The following TMTC1 variants were observed in gnomAD, a reference collection of about 807,000 sequenced individuals.
The protein encoded by TMTC1 is transmembrane O-mannosyltransferase targeting cadherins 1, also known as protein O-mannosyl-transferase TMTC1.
In TMTC1, 73 loss-of-function variants were observed where a neutral mutation model predicts 104.8. The ratio of observed to expected loss-of-function variants is 0.70; its 90% confidence interval spans 0.58 to 0.85. TMTC1 has a LOEUF of 0.85. Ranked by LOEUF, TMTC1 falls within the 40% of genes least tolerant of loss-of-function variation. The pLI is 0.00. For missense variants in TMTC1, 1,035 were observed against 1,096.1 expected, an observed-to-expected ratio of 0.94 and a Z score of 0.79; for synonymous variants, 434 against 428.7, an observed-to-expected ratio of 1.01 and a Z score of -0.15.
At chr12:29,573,381 C>T (rs1221680160) in intron 8 of TMTC1, among the ~76,000 whole-genome samples, 2 of 152,196 alleles carry the variant, frequency 1.3e-5, no homozygotes, top group Non-Finnish European at 1.5e-5. Flanking sequence ...AAGCATTTCT[C>T]TAAGCTGAAG....
chr12:29,742,162 T>C (rs1048507915), intron 5 of TMTC1, among the ~76,000 whole-genome samples: 3 of 152,188 alleles, frequency 2.0e-5, no homozygotes, highest in African/African-American at 7.2e-5. Context: ...CTGAAATATA[T>C]TGGTTTTTGA....
At chr12:29,762,458 T>A (rs1358309806) in intron 2 of TMTC1, among the ~76,000 whole-genome samples, 1 of 152,224 alleles carries the variant, frequency 6.6e-6, no homozygotes, top group Non-Finnish European at 1.5e-5. Context: ...AGAAATCATC[T>A]TTTTACTTTA....
intron 5 of TMTC1, among the ~76,000 whole-genome samples, chr12:29,738,752 T>C (rs185126748): frequency 6.6e-5 from 10 of 152,352 alleles, no homozygotes; most frequent in African/African-American, 2.4e-4. Context: ...TTTCCATTAT[T>C]TTCTGTTCTT....
intron 11 of TMTC1, chr12:29,534,304 T>G (rs1006929743): frequency 1.2e-4 from 19 of 152,248 alleles, no homozygotes. Context: ...GCTCAACAGC[T>G]GCTTCATTGT....
At chr12:29,635,442 A>C (rs939982025) in intron 5 of TMTC1, among the ~76,000 whole-genome samples, 2 of 152,204 alleles carry the variant, frequency 1.3e-5, no homozygotes, top group Non-Finnish European at 2.9e-5. Flanking sequence ...CCAGCTCTTA[A>C]AAATGACTTT....
rs536691239 is a variant in TMTC1 at position 29,718,865 on chromosome 12, G to A, written c.938+32801C>T. Among the ~76,000 whole-genome samples the A allele has an allele frequency of 8.0e-5, 12 of 149,548 alleles. No individual in the cohort carries two copies. The East Asian group carries it at 1.4e-3, about 17-fold the overall frequency. On this transcript the variant is annotated intron_variant, in intron 5 of 17. Transcript: ENST00000539277. ...GGAGAATGGCATAAACCCAGGAGGC[G>A]GAGCTTGCAGTGAGCTGAGATCGCG...
At chr12:29,759,944 T>C (rs1220480208) in intron 2 of TMTC1, among the ~76,000 whole-genome samples, 1 of 152,184 alleles carries the variant, frequency 6.6e-6, no homozygotes, top group African/African-American at 2.4e-5. Context: ...ATGCATTCAA[T>C]AACAACTTTC....
At chr12:29,638,748 GCA>G (rs1938688152) in intron 5 of TMTC1, among the ~76,000 whole-genome samples, 3 of 152,126 alleles carry the variant, frequency 2.0e-5, no homozygotes, top group Non-Finnish European at 4.4e-5. Context: ...GGTTTGAGCA[GCA>G]GGGCACCGAA....
rs140933696 is a variant in TMTC1 at position 29,606,959 on chromosome 12, C to T, written c.1129-2660G>A. ...CAGTGGTGGGTGTCAGTTGGGAGCA[C>T]AGCCAACCTTCCTGCCCCCCCCCCT... On this transcript the variant is annotated intron_variant, in intron 6 of 17. Coordinates refer to ENST00000539277, the MANE Select transcript of TMTC1 (RefSeq NM_001193451.2). Among the ~76,000 whole-genome samples, 42 of 143,332 alleles carry T rather than the reference C, an allele frequency of 2.9e-4. No homozygotes were observed. In the East Asian group the frequency reaches 7.6e-3, roughly 26 times the overall value. 94.0% of individuals were successfully genotyped at this position (143,332 alleles called of 152,430 possible).
rs1942830004 is a variant in TMTC1 at position 29,741,649 on chromosome 12, C to A, written c.938+10017G>T. Among the ~76,000 whole-genome samples the A allele has an allele frequency of 2.0e-5, 3 of 152,168 alleles. No homozygotes were observed. In the South Asian group the frequency reaches 6.2e-4, roughly 32 times the overall value. ...GCGCAACCTGAGAAATAGCTATTCT[C>A]TAAAAAAGAAAACACATACACCCCA... On this transcript the variant is annotated intron_variant, in intron 5 of 17. Coordinates refer to ENST00000539277, the MANE Select transcript of TMTC1 (RefSeq NM_001193451.2).
In TMTC1 at chr12:29,737,025, G is replaced by A. The variant is rs765796148; in HGVS notation, c.938+14641C>T. On this transcript the variant is annotated intron_variant, in intron 5 of 17. Transcript: ENST00000539277. ...CCCGCAACAGCTAGTTCACTGCTGC[G>A]TCAGAGAGCTTTTCAAAAATTGTAT... Among the ~76,000 whole-genome samples, 24 of 152,336 alleles carry A rather than the reference G, an allele frequency of 1.6e-4. 1 individual carries two copies. The South Asian group carries it at 2.7e-3, about 17-fold the overall frequency.
intron 5 of TMTC1, among the ~76,000 whole-genome samples, chr12:29,750,773 A>C (rs1264342209): frequency 6.6e-6 from 1 of 152,254 alleles, no homozygotes; most frequent in South Asian, 2.1e-4. Flanking sequence ...TCCCTACATC[A>C]GCAGAGAAAC....
chr12:29,604,049 G>T, intron 7 of TMTC1, 129 bp downstream of exon 7: 2 of 1,267,836 alleles, frequency 1.6e-6, no homozygotes, highest in Non-Finnish European at 2.2e-6. Flanking sequence ...TGTTTTTAAA[G>T]CTGAAATAAT....
At chr12:29,610,580 G>A (rs1260617241) in intron 6 of TMTC1, among the ~76,000 whole-genome samples, 1 of 152,092 alleles carries the variant, frequency 6.6e-6, no homozygotes, top group African/African-American at 2.4e-5. Flanking sequence ...CAGTCTTATG[G>A]GTAAAAAGAG....
At chr12:29,508,924 T>C (rs778882823) in intron 17 of TMTC1, among the ~76,000 whole-genome samples, 2 of 152,126 alleles carry the variant, frequency 1.3e-5, no homozygotes, top group African/African-American at 4.8e-5. Context: ...AGTCAGTATC[T>C]CCAATTCCCT....
chr12:29,778,562 A>T (rs1469798822), intron 1 of TMTC1, among the ~76,000 whole-genome samples: 1 of 152,230 alleles, frequency 6.6e-6, no homozygotes, highest in Non-Finnish European at 1.5e-5. Flanking sequence ...AGCAAAAAAA[A>T]AATGTTATTG....
chr12:29,588,401 C>A (rs893014061), intron 7 of TMTC1, among the ~76,000 whole-genome samples: 20 of 152,190 alleles, frequency 1.3e-4, no homozygotes, highest in Non-Finnish European at 1.9e-4. Context: ...ACAGTGGCTG[C>A]TCAAGTTCAT....
chr12:29,515,836 A>G (rs1377142985), intron 15 of TMTC1, among the ~76,000 whole-genome samples: 2 of 149,018 alleles, frequency 1.3e-5, no homozygotes, highest in Non-Finnish European at 3.0e-5. Context: ...CAATTACTTC[A>G]TTGAGTCAGT....
chr12:29,701,212 C>T (rs932185199), intron 5 of TMTC1, among the ~76,000 whole-genome samples: 1 of 152,114 alleles, frequency 6.6e-6, no homozygotes, highest in Non-Finnish European at 1.5e-5. Context: ...TGGGAATCCA[C>T]TCAAAGAGAA....
Sources: allele counts gnomAD v4.1 joint callset (sites outside exome capture counted in the v4.1 genomes callset), GRCh38; gene constraint gnomAD v4.1.1; transcripts MANE v1.5; gene names NCBI Gene and HGNC (gene_info 2026-07-23, HGNC 2026-07-21).